The following ZNF705G variants were observed in gnomAD, a reference collection of about 807,000 sequenced individuals.
ZNF705G encodes zinc finger protein 705G, also known as putative zinc finger protein 705G.
ZNF705G carries 23 observed loss-of-function variants against 19.6 expected under a neutral mutation model. That is an observed-to-expected ratio of 1.17 (90% CI 0.84 to 1.66). The LOEUF (loss-of-function observed/expected upper bound fraction) is 1.66. Ranked by LOEUF, ZNF705G falls within the 40% of genes most tolerant of loss-of-function variation. The pLI, the probability that ZNF705G is intolerant of heterozygous loss-of-function variation, is 0.00. For missense variants in ZNF705G, 457 were observed against 354.4 expected, an observed-to-expected ratio of 1.29 and a Z score of -2.32; for synonymous variants, 146 against 117.7, an observed-to-expected ratio of 1.24 and a Z score of -1.56.
rs1806341188 is a variant in ZNF705G, at chr8:7,357,766, G to A, written c.*210C>T. ...TGTGAGTCCTTTGGCATGTTTAGAT[G>A]CTACAACTACAGCTGAAGTCTCTTC... On this transcript the variant is annotated 3_prime_UTR_variant, in exon 7 of 7. Transcript: ENST00000400156. 3.6e-6 allele frequency: 3 copies of A among 844,430 alleles called. No homozygotes were observed. Among genetic ancestry groups the A allele is most frequent in the South Asian group, 1.9e-5 (1 of 52,312 alleles). The allele number at this position is 844,430 out of a possible 1,614,324, so 52.3% of individuals were successfully genotyped here.
intron 2 of ZNF705G, among the ~76,000 whole-genome samples, chr8:7,380,910 T>G (rs1237407745): frequency 7.3e-6 from 1 of 137,552 alleles, no homozygotes; most frequent in African/African-American, 3.4e-5. Context: ...CCAGCTACTC[T>G]GGAGGCTGAG....
chr8:7,368,230 A>G (rs1438388628), intron 2 of ZNF705G, among the ~76,000 whole-genome samples: 1 of 149,686 alleles, frequency 6.7e-6, no homozygotes, highest in Non-Finnish European at 1.5e-5. Context: ...TGAGACTACT[A>G]CTAAAAACCC....
rs569591897 is a variant in ZNF705G at position 7,382,692 on chromosome 8, A to G, written c.-221-1091T>C. On this transcript the variant is annotated intron_variant, in intron 1 of 6. Transcript: ENST00000400156. Reference sequence around the variant, plus strand: ...GTCAACTGCCTCTTTCCACACATCTATGGATTAAATTAACCAACATTTAAT... The same window carrying G: ...GTCAACTGCCTCTTTCCACACATCTGTGGATTAAATTAACCAACATTTAAT... 9.5e-5 allele frequency among the ~76,000 whole-genome samples: 14 copies of G among 146,684 alleles called. 2 individuals are homozygous for G. The South Asian group carries it at 1.0e-3, about 11-fold the overall frequency.
At chr8:7,383,737 T>C (rs2128849775) in intron 1 of ZNF705G, among the ~76,000 whole-genome samples, 1 of 149,494 alleles carries the variant, frequency 6.7e-6, no homozygotes, top group South Asian at 2.1e-4. Flanking sequence ...AAGGAGCTCG[T>C]TTGTACCTTT....
At chr8:7,361,706 C>T (rs1432305277) in intron 3 of ZNF705G, among the ~76,000 whole-genome samples, 1 of 149,534 alleles carries the variant, frequency 6.7e-6, no homozygotes, top group Non-Finnish European at 1.5e-5. Flanking sequence ...GGTTAAAAGA[C>T]CTATGATGTG....
In ZNF705G at chr8:7,358,076, C is replaced by T. The variant is rs755467635; in HGVS notation, c.803G>A (p.Ser268Asn). ...TATTTTGTTTCCTCTAAAGCCAGAG[C>T]TTTGACTAAAGGCTTTCCCACTTTT... ...CDKSGKAFSQ[S>N]SGFRGNKIIH... Residue 268 changes from serine to asparagine, a missense_variant, in exon 7 of 7, where the codon AGC becomes AAC. Ser to Asn is a conservative substitution (Grantham distance 46). Coordinates refer to ENST00000400156, the MANE Select transcript of ZNF705G (RefSeq NM_001164457.3). The T allele has an allele frequency of 1.9e-6, 3 of 1,608,260 alleles. 1 individual carries two copies. The South Asian group carries it at 3.3e-5, about 18-fold the overall frequency.
intron 1 of ZNF705G, among the ~76,000 whole-genome samples, chr8:7,385,264 G>A (rs1247136512): frequency 2.0e-5 from 3 of 148,998 alleles, no homozygotes; most frequent in Non-Finnish European, 4.4e-5. Flanking sequence ...ATTGCATTGG[G>A]GATTAGATTT....
intron 2 of ZNF705G, among the ~76,000 whole-genome samples, chr8:7,365,528 G>A (rs1388510147): frequency 2.7e-5 from 4 of 149,124 alleles, no homozygotes; most frequent in East Asian, 1.9e-4. Context: ...ACAGGCTTGC[G>A]CCATCGTGCT....
At chr8:7,381,175 G>A (rs1366163361) in intron 2 of ZNF705G, among the ~76,000 whole-genome samples, 3 of 112,074 alleles carry the variant, frequency 2.7e-5, no homozygotes, top group African/African-American at 1.5e-4. Flanking sequence ...AAGCTGTGAT[G>A]CCTACTATTA....
chr8:7,377,124 TCAAGAACACCAAAAAATC>T (rs1807276658), intron 2 of ZNF705G, among the ~76,000 whole-genome samples: 1 of 107,122 alleles, frequency 9.3e-6, no homozygotes, highest in Non-Finnish European at 1.7e-5. Flanking sequence ...CTCAGATTTT[TCAAGAACACCAAAAAATC>T]CAAATTTTTG....
Position 7,363,727 on chromosome 8 carries a change from A to G in ZNF705G, c.-71-710T>C, listed in dbSNP as rs1374453421. 3.3e-5 allele frequency among the ~76,000 whole-genome samples: 5 copies of G among 149,360 alleles called. 2 individuals are homozygous for G. The highest frequency in any genetic ancestry group is 1.3e-4 in the African/African-American group (5 of 38,842). On this transcript the variant is annotated intron_variant, in intron 2 of 6. Coordinates refer to ENST00000400156, the MANE Select transcript of ZNF705G (RefSeq NM_001164457.3). ...TCCCAGCTACTCAGGAGGCTGAAACAGGAGAATCTCTTGAACCCAGGAGGC... is the reference window on the plus strand; with the variant it reads ...TCCCAGCTACTCAGGAGGCTGAAACGGGAGAATCTCTTGAACCCAGGAGGC...
Position 7,358,171 on chromosome 8 carries a change from G to A in ZNF705G, c.708C>T (p.Val236=). The A allele has an allele frequency of 5.0e-6, 8 of 1,607,404 alleles. No homozygotes were observed. The highest frequency in any genetic ancestry group is 1.1e-5 in the South Asian group (1 of 90,700). ...TTTGAAGGTTAAAGGATTGAATAAA[G>A]ACTTTCCCATATTGATGACACTTAT... is the stretch of plus-strand genomic sequence containing the variant. ...RPYKCHQYGK[V]FIQSFNLQRH... Residue 236 remains valine (V), a synonymous_variant, in exon 7 of 7, where the codon GTC becomes GTT. Transcript: ENST00000400156.
chr8:7,369,215 T>C lies in ZNF705G; in HGVS notation c.-71-6198A>G, dbSNP rs563005381. 4.0e-5 allele frequency among the ~76,000 whole-genome samples: 6 copies of C among 149,330 alleles called. No homozygotes were observed. The East Asian group carries it at 5.8e-4, about 14-fold the overall frequency. Reference sequence around the variant, plus strand: ...CATGTGGGAATTATGGGAGTAAAATTTGAGGTGAGATTTGGGTGGGGACAC... The same window carrying C: ...CATGTGGGAATTATGGGAGTAAAATCTGAGGTGAGATTTGGGTGGGGACAC... On this transcript the variant is annotated intron_variant, in intron 2 of 6. Transcript: ENST00000400156.
At chr8:7,383,164 G>T (rs1490362970) in intron 1 of ZNF705G, among the ~76,000 whole-genome samples, 1 of 144,306 alleles carries the variant, frequency 6.9e-6, no homozygotes, top group African/African-American at 2.7e-5. Flanking sequence ...GGTTAAAAGC[G>T]ATAATTCTAG....
rs535864087 is a variant in ZNF705G, at chr8:7,375,398, T to C, written c.-72+6054A>G. Among the ~76,000 whole-genome samples, 4 of 92,738 alleles carry C rather than the reference T, an allele frequency of 4.3e-5. 2 individuals carry two copies. In the South Asian group the frequency reaches 1.5e-3, roughly 34 times the overall value. The allele number at this position is 92,738 out of a possible 152,430, so 60.8% of individuals were successfully genotyped here. A position where few individuals can be genotyped will look rare whatever the true frequency, so the allele number is the denominator to read the frequency against. ...GATGCATAGTATTCCGTGACATATA[T>C]GTACTACATTTTCTTTATTCAATCC... On this transcript the variant is annotated intron_variant, in intron 2 of 6. Transcript: ENST00000400156.
In ZNF705G at chr8:7,369,569, AT is replaced by A. The variant is rs1438844748; in HGVS notation, c.-71-6553del. Among the ~76,000 whole-genome samples the A allele has an allele frequency of 1.0e-4, 15 of 149,738 alleles. No homozygotes were observed. In the South Asian group the frequency reaches 3.2e-3, roughly 31 times the overall value. On this transcript the variant is annotated intron_variant, in intron 2 of 6. Transcript: ENST00000400156. Reference sequence around the variant, plus strand: ...GACCCTTGTATCCAAAAGAAAATAAATTGTTCTACCATAAAGATGTGTGCAC... The same window carrying A: ...GACCCTTGTATCCAAAAGAAAATAAATGTTCTACCATAAAGATGTGTGCAC...
chr8:7,361,063 T>C lies in ZNF705G; in HGVS notation c.139+47A>G, dbSNP rs188339105. The stretch of plus-strand genomic sequence containing the variant: ...GCTGTTTTAACACTTATTGAATGAA[T>C]GAGTGAATGTGTCTCTACATATGTA... On this transcript the variant is annotated intron_variant, in intron 4 of 6. Transcript: ENST00000400156. 2 of 1,592,640 alleles carry C rather than the reference T, an allele frequency of 1.3e-6. 1 individual carries two copies. The highest frequency in any genetic ancestry group is 2.8e-5 in the African/African-American group (2 of 71,156).
At position 7,361,102 on chromosome 8, in the gene ZNF705G, G is replaced by C; in HGVS notation, c.139+8C>G. On this transcript the variant is annotated splice_region_variant and intron_variant, in intron 4 of 6. Transcript: ENST00000400156. ...TCTACATATGTACATGAATGTTCAG[G>C]GACTCACCGAGGGACACCAGGTGAC... The C allele has an allele frequency of 6.3e-7, 1 of 1,592,476 alleles. No individual in the cohort carries two copies. Among genetic ancestry groups the C allele is most frequent in the Non-Finnish European group, 8.5e-7 (1 of 1,179,378 alleles).
At position 7,356,976 on chromosome 8, in the gene ZNF705G, A is replaced by G. The variant is rs1180474987; in HGVS notation, c.*1000T>C. 1 of 149,800 alleles carries G rather than the reference A, an allele frequency of 6.7e-6. No homozygotes were observed. Among genetic ancestry groups the G allele is most frequent in the Non-Finnish European group, 1.5e-5 (1 of 68,022 alleles). The allele number at this position is 149,800 out of a possible 1,614,324, so 9.3% of individuals were successfully genotyped here. ...TCTCAAATTTCTGAATTATTTTGCT[A>G]AAGTATGTGTTAAGAGTTTTTTCTA... On this transcript the variant is annotated 3_prime_UTR_variant, in exon 7 of 7. Transcript: ENST00000400156.
Sources: allele counts gnomAD v4.1 joint callset (sites outside exome capture counted in the v4.1 genomes callset), GRCh38; gene constraint gnomAD v4.1.1; transcripts MANE v1.5; gene names NCBI Gene and HGNC (gene_info 2026-07-23, HGNC 2026-07-21).